The following KNDC1 variants were observed in gnomAD, a reference collection of about 807,000 sequenced individuals.
KNDC1 encodes the protein kinase non-catalytic C-lobe domain-containing protein 1.
Under a neutral mutation model 172.8 loss-of-function variants are expected in KNDC1, and 106 were observed. The ratio of observed to expected loss-of-function variants is 0.61; its 90% CI spans 0.52 to 0.72. KNDC1 has a LOEUF of 0.72. Ranked by LOEUF, KNDC1 falls within the 30% of genes least tolerant of loss-of-function variation. The pLI is 0.00. For missense variants in KNDC1, 2,325 were observed against 2,394.5 expected (o/e 0.97, Z 0.61); for synonymous variants, 1,083 against 1,062.2 (o/e 1.02, Z -0.38).
intron 3 of KNDC1, among the ~76,000 whole-genome samples, chr10:133,182,539 G>A (rs1172354455): frequency 6.6e-6 from 1 of 152,244 alleles, no homozygotes; most frequent in African/African-American, 2.4e-5. Flanking sequence ...TTGTGGGAAA[G>A]GTGAAGCCCC....
chr10:133,173,390 T>C (rs1191690098), intron 3 of KNDC1, among the ~76,000 whole-genome samples: 3 of 152,238 alleles, frequency 2.0e-5, no homozygotes, highest in African/African-American at 4.8e-5. Context: ...TCCTTTCCAA[T>C]ATCAGTAAGA....
rs141089126 is a variant in KNDC1, at chr10:133,160,499, T to C, written c.32T>C (p.Leu11Pro). MQAMDPAAADLYEEDGKDLDF... is the reference protein window; with the variant it reads MQAMDPAAADPYEEDGKDLDF... ...GCCATGGACCCGGCCGCGGCGGATC[T>C]TTACGAGGAGGACGGCAAAGACCTG... is the stretch of plus-strand genomic sequence containing the variant. The change falls in exon 1 of 30, where the codon CTT (leucine) becomes CCT (proline). Residue 11 changes from leucine to proline, a missense_variant. Transcript: ENST00000304613. The C allele has an allele frequency of 3.9e-4, 613 of 1,589,842 alleles. 3 individuals are homozygous for C. The highest frequency in any genetic ancestry group is 3.0e-3 in the South Asian group (267 of 87,790).
intron 23 of KNDC1, among the ~76,000 whole-genome samples, chr10:133,212,159 C>A (rs1330371379): frequency 1.3e-5 from 2 of 151,914 alleles, no homozygotes; most frequent in African/African-American, 2.4e-5. Flanking sequence ...GCCATACATG[C>A]ACTCGTGTGC....
chr10:133,212,671 G>A (rs945276964), intron 23 of KNDC1, 45 bp from the exon 24 acceptor site: 2 of 1,559,142 alleles, frequency 1.3e-6, no homozygotes, highest in African/African-American at 2.7e-5. Flanking sequence ...CTGACCCAGA[G>A]GGGACACGGA....
At chr10:133,216,137 G>A (rs973906964) in intron 26 of KNDC1, among the ~76,000 whole-genome samples, 6 of 152,212 alleles carry the variant, frequency 3.9e-5, no homozygotes, top group African/African-American at 1.4e-4. Flanking sequence ...TACAAAATTC[G>A]AGCACAGAGG....
chr10:133,168,775 A>G (rs1045990495), intron 3 of KNDC1, among the ~76,000 whole-genome samples: 1 of 152,260 alleles, frequency 6.6e-6, no homozygotes, highest in African/African-American at 2.4e-5. Context: ...CTCCAGGCAC[A>G]GCTCCTGGGT....
At position 133,213,785 on chromosome 10, in the gene KNDC1, T is replaced by C. The variant is rs1845421588; in HGVS notation, c.4526+58T>C. Reference sequence around the variant, plus strand: ...GGTGGAGGGTCTCGGGGGCTTCCCGTAAGAGTCTTGTGGACGCTCCTGACC... The same window carrying C: ...GGTGGAGGGTCTCGGGGGCTTCCCGCAAGAGTCTTGTGGACGCTCCTGACC... On this transcript the variant is annotated intron_variant, in intron 25 of 29. Coordinates refer to ENST00000304613, the MANE Select transcript of KNDC1 (RefSeq NM_152643.8). 3 of 1,540,380 alleles carry C rather than the reference T, an allele frequency of 1.9e-6. No homozygotes were observed. The African/African-American group carries it at 4.1e-5, about 21-fold the overall frequency.
rs1229640165 is a variant in KNDC1 at position 133,188,716 on chromosome 10, A to G, written c.1441+63A>G. ...ACCCCCCACTGCTGTTCCACCCCCC[A>G]CCGCCGTCCCACACCCCCGCCGTCC... On this transcript the variant is annotated intron_variant, in intron 7 of 29. Coordinates refer to ENST00000304613, the MANE Select transcript of KNDC1 (RefSeq NM_152643.8). 7 of 390,120 alleles carry G rather than the reference A, an allele frequency of 1.8e-5. No homozygotes were observed. In the African/African-American group the frequency reaches 3.4e-4, roughly 19 times the overall value. The allele number at this position is 390,120 out of a possible 1,614,324, so 24.2% of individuals were successfully genotyped here.
rs1196977519 is a variant in KNDC1 at position 133,207,400 on chromosome 10, G to A, written c.3794+49G>A. ...CGGAAAAGGAGACGTAGCCCGGGGT[G>A]CTGAGAAGAGGGGGGGAACGTGCCC... On this transcript the variant is annotated intron_variant, in intron 20 of 29. Coordinates refer to ENST00000304613, the MANE Select transcript of KNDC1 (RefSeq NM_152643.8). 2.6e-6 allele frequency: 4 copies of A among 1,551,378 alleles called. No homozygotes were observed. The African/African-American group carries it at 4.1e-5, about 16-fold the overall frequency.
At chr10:133,199,362 A>G (rs1854298875) in intron 14 of KNDC1, 96 bp downstream of exon 14, 7 of 1,559,404 alleles carry the variant, frequency 4.5e-6, no homozygotes, top group African/African-American at 1.4e-5. Context: ...CCAGCCCCCC[A>G]GCCGAGATCA....
intron 3 of KNDC1, among the ~76,000 whole-genome samples, chr10:133,181,117 G>A (rs1196291003): frequency 6.6e-6 from 1 of 151,988 alleles, no homozygotes; most frequent in South Asian, 2.1e-4. Flanking sequence ...ACCCACAGAC[G>A]CCACACGGGG....
chr10:133,188,195 G>A (rs530667715), intron 6 of KNDC1, among the ~76,000 whole-genome samples: 8 of 152,170 alleles, frequency 5.3e-5, no homozygotes, highest in East Asian at 1.9e-4. Context: ...GGGTGTGCAC[G>A]TATGCGTGAG....
rs181837567 is a variant in KNDC1 at position 133,206,057 on chromosome 10, G to A, written c.3388-628G>A. 3.3e-3 allele frequency among the ~76,000 whole-genome samples: 497 copies of A among 151,948 alleles called. 8 individuals carry two copies. The highest frequency in any genetic ancestry group is 0.027 in the Admixed American group (407 of 15,262). ...CTCTACCAAAAATACAAAATTAGCCGGGCATGGTGGTGCATGCCTGTAATC... is the reference window on the plus strand; with the variant it reads ...CTCTACCAAAAATACAAAATTAGCCAGGCATGGTGGTGCATGCCTGTAATC... On this transcript the variant is annotated intron_variant, in intron 17 of 29. Coordinates refer to ENST00000304613, the MANE Select transcript of KNDC1 (RefSeq NM_152643.8).
rs755104883 is a variant in KNDC1, at chr10:133,218,826, T to C, written c.4678-5T>C. The stretch of plus-strand genomic sequence containing the variant: ...GACGCTGAATGTGTCATTTTCTTAT[T>C]GCAGCTGCAGGTGAACTTGCTGTCC... On this transcript the variant is annotated splice_region_variant and splice_polypyrimidine_tract_variant and intron_variant, in intron 26 of 29. Transcript: ENST00000304613. 1 of 1,609,950 alleles carries C rather than the reference T, an allele frequency of 6.2e-7. No homozygotes were observed. The highest frequency in any genetic ancestry group is 1.7e-5 in the Admixed American group (1 of 59,852).
In KNDC1 at chr10:133,209,949, G is replaced by A. The variant is rs1038810804; in HGVS notation, c.3795-662G>A. On this transcript the variant is annotated intron_variant, in intron 20 of 29. Coordinates refer to ENST00000304613, the MANE Select transcript of KNDC1 (RefSeq NM_152643.8). This position sits in a 1 kb window ranked among gnomAD's most constrained non-coding sequence, Gnocchi z 4.9. The stretch of plus-strand genomic sequence containing the variant: ...GGTCAGTGTCTCCTGAGGGTGGCGC[G>A]GTTTCACCCAGTGAAGACCCAGAAC... 2.0e-5 allele frequency among the ~76,000 whole-genome samples: 3 copies of A among 152,060 alleles called. No homozygotes were observed. The highest frequency in any genetic ancestry group is 2.9e-5 in the Non-Finnish European group (2 of 67,998).
In KNDC1 at chr10:133,210,704, C is replaced by A. The variant is rs759012714; in HGVS notation, c.3888C>A (p.Arg1296=). Residue 1296 remains arginine (R), a synonymous_variant, in exon 21 of 30, where the codon CGC becomes CGA. Coordinates refer to ENST00000304613, the MANE Select transcript of KNDC1 (RefSeq NM_152643.8). The part of the protein sequence containing the change: ...PHDFLHFLLD[R]INSTLTRAHQ... ...ACTTCCTGCACTTCCTCCTCGACCG[C>A]ATCAACAGCACGCTGACCAGGTACC... The A allele has an allele frequency of 6.2e-7, 1 of 1,613,478 alleles. No homozygotes were observed. Among genetic ancestry groups the A allele is most frequent in the South Asian group, 1.1e-5 (1 of 91,068 alleles).
At chr10:133,177,302 T>C (rs754050042) in intron 3 of KNDC1, among the ~76,000 whole-genome samples, 4 of 152,162 alleles carry the variant, frequency 2.6e-5, no homozygotes, top group Non-Finnish European at 5.9e-5. Flanking sequence ...TGCATCTATG[T>C]AGTGTGTACA....
In KNDC1 at chr10:133,167,849, TC is replaced by T. The variant is rs1264159032; in HGVS notation, c.301+274del. On this transcript the variant is annotated intron_variant, in intron 2 of 29. Coordinates refer to ENST00000304613, the MANE Select transcript of KNDC1 (RefSeq NM_152643.8). ...CCCTGAGCCCCCTCCGCTCAGGACTTCCCCTAAGGGCAGGCTATGCCCCTCT... is the reference window on the plus strand; with the variant it reads ...CCCTGAGCCCCCTCCGCTCAGGACTTCCCTAAGGGCAGGCTATGCCCCTCT... Among the ~76,000 whole-genome samples the T allele has an allele frequency of 5.3e-5, 8 of 152,260 alleles. No homozygotes were observed. The South Asian group carries it at 1.7e-3, about 32-fold the overall frequency.
At chr10:133,184,029 T>A in intron 5 of KNDC1, 40 bp downstream of exon 5, 2 of 1,074,686 alleles carry the variant, frequency 1.9e-6, no homozygotes, top group Non-Finnish European at 1.4e-6. Flanking sequence ...CTCATGCACA[T>A]ATACCTGTGT....
Sources: gnomAD v4.1 joint callset for allele counts (sites outside exome capture counted in the v4.1 genomes callset) on GRCh38, gnomAD v4.1.1 for gene constraint, Gnocchi (gnomAD v3.1) non-coding constraint, MANE v1.5 for transcripts, NCBI Gene and HGNC (gene_info 2026-07-23, HGNC 2026-07-21) for gene names.